The following AGBL1 variants were observed in gnomAD, a reference collection of about 807,000 sequenced individuals.
The protein encoded by AGBL1 is AGBL carboxypeptidase 1, also known as cytosolic carboxypeptidase 4.
Under a neutral mutation model 118.9 loss-of-function variants are expected in AGBL1, and 130 were observed. That is an observed-to-expected ratio of 1.09 (90% CI 0.95 to 1.26). The LOEUF is 1.26. Among genes scored for constraint, AGBL1 ranks in the 50% most tolerant of loss-of-function variants. The probability of loss-of-function intolerance (pLI) is 0.00; values close to 1 mark genes in which losing one functional copy is unlikely to be tolerated. For synonymous variants in AGBL1, 555 were observed against 478.9 expected, an observed-to-expected ratio of 1.16 and a Z score of -2.08; for missense variants, 1,584 against 1,298.1, an observed-to-expected ratio of 1.22 and a Z score of -3.38.
intron 17 of AGBL1, among the ~76,000 whole-genome samples, chr15:86,365,331 C>T (rs1375883652): frequency 6.6e-6 from 1 of 152,094 alleles, no homozygotes; most frequent in Non-Finnish European, 1.5e-5. Flanking sequence ...CAGAGAAGTT[C>T]ATCTGGAAGA....
intron 22 of AGBL1, among the ~76,000 whole-genome samples, chr15:86,844,077 T>C (rs985704337): frequency 4.6e-5 from 7 of 152,212 alleles, no homozygotes; most frequent in Non-Finnish European, 1.0e-4. Context: ...TCCTATTTCA[T>C]GGCTGAAAAG....
chr15:86,973,925 ATTAAATATAAACATAT>A, intron 23 of AGBL1, among the ~76,000 whole-genome samples: 1 of 145,416 alleles, frequency 6.9e-6, no homozygotes, highest in East Asian at 2.0e-4. Context: ...TATTTAATAT[ATTAAATATAAACATAT>A]TTAATATATT....
At chr15:86,527,477 C>T (rs535035361) in intron 19 of AGBL1, among the ~76,000 whole-genome samples, 1 of 152,328 alleles carries the variant, frequency 6.6e-6, no homozygotes, top group South Asian at 2.1e-4. Context: ...CACAGTGTTA[C>T]AAAGCTCTCT....
At chr15:86,695,270 T>C (rs1271466336) in intron 22 of AGBL1, among the ~76,000 whole-genome samples, 1 of 152,000 alleles carries the variant, frequency 6.6e-6, no homozygotes, top group African/African-American at 2.4e-5. Flanking sequence ...TCAATCTTGC[T>C]GCTTGTTATT....
intron 17 of AGBL1, chr15:86,297,108 T>C (rs1308015856): frequency 6.6e-6 from 1 of 152,110 alleles, no homozygotes; most frequent in Non-Finnish European, 1.5e-5. Context: ...AGAAAAAATA[T>C]CTCTTAGTAC....
intron 17 of AGBL1, among the ~76,000 whole-genome samples, chr15:86,315,628 G>T (rs1342763931): frequency 1.3e-5 from 2 of 148,384 alleles, no homozygotes; most frequent in Non-Finnish European, 3.0e-5. Flanking sequence ...TGAGGCAGAA[G>T]AATTACTTGA....
chr15:86,966,809 A>T (rs2081058759), intron 23 of AGBL1, among the ~76,000 whole-genome samples: 2 of 152,148 alleles, frequency 1.3e-5, no homozygotes, highest in South Asian at 4.1e-4. Context: ...TCTTTATAGC[A>T]GCATGATTTA....
chr15:86,837,521 G>A (rs1466715300), intron 22 of AGBL1, among the ~76,000 whole-genome samples: 3 of 152,148 alleles, frequency 2.0e-5, no homozygotes, highest in Non-Finnish European at 2.9e-5. Flanking sequence ...GCAGAGCTGA[G>A]GAGCTGCGAC....
intron 21 of AGBL1, among the ~76,000 whole-genome samples, chr15:86,649,098 A>T (rs2142489418): frequency 6.6e-6 from 1 of 152,264 alleles, no homozygotes; most frequent in Non-Finnish European, 1.5e-5. Flanking sequence ...AAGAGAGGCA[A>T]GAATTGCTGG....
rs578091553 is a variant in AGBL1 at position 87,012,815 on chromosome 15, G to T, written c.3324-16010G>T. Among the ~76,000 whole-genome samples the T allele has an allele frequency of 3.3e-5, 5 of 152,156 alleles. No individual in the cohort carries two copies. The East Asian group carries it at 9.6e-4, about 29-fold the overall frequency. On this transcript the variant is annotated intron_variant, in intron 24 of 24. Coordinates refer to the AGBL1 transcript ENST00000441037. ...ATACCCCTCGAAATCCATCAGTTCT[G>T]TATGGCTGAGATATATCCTTACCTA...
chr15:86,271,510 A>C, intron 14 of AGBL1, 109 bp from the exon 15 acceptor site: 1 of 842,052 alleles, frequency 1.2e-6, no homozygotes, highest in Non-Finnish European at 2.0e-6. Context: ...ATATATAGTT[A>C]ACAGTCACAG....
intron 22 of AGBL1, among the ~76,000 whole-genome samples, chr15:86,760,570 C>G (rs1185248147): frequency 6.6e-6 from 1 of 152,174 alleles, no homozygotes; most frequent in South Asian, 2.1e-4. Context: ...GTAAATGGAC[C>G]TATGTAAAAA....
chr15:86,800,296 C>G (rs2078631629), intron 22 of AGBL1, among the ~76,000 whole-genome samples: 1 of 152,018 alleles, frequency 6.6e-6, no homozygotes, highest in African/African-American at 2.4e-5. Context: ...ATGTTTGAAG[C>G]CATGTAAAGA....
At chr15:86,699,642 T>G (rs1425274531) in intron 22 of AGBL1, among the ~76,000 whole-genome samples, 1 of 152,086 alleles carries the variant, frequency 6.6e-6, no homozygotes, top group Non-Finnish European at 1.5e-5. Context: ...TGATTAAATT[T>G]AGCTTATCCA....
intron 23 of AGBL1, among the ~76,000 whole-genome samples, chr15:86,924,571 G>A (rs994708372): frequency 6.6e-6 from 1 of 152,168 alleles, no homozygotes; most frequent in Non-Finnish European, 1.5e-5. Flanking sequence ...CTTATTCTCT[G>A]TTTGGGAGAG....
At chr15:86,243,144 A>G (rs995676536) in intron 6 of AGBL1, among the ~76,000 whole-genome samples, 1 of 151,480 alleles carries the variant, frequency 6.6e-6, no homozygotes, top group African/African-American at 2.4e-5. Flanking sequence ...AAAAGGATAC[A>G]TTTTTTTTTC....
At chr15:86,479,257 C>T (rs915898750) in intron 18 of AGBL1, among the ~76,000 whole-genome samples, 1 of 152,174 alleles carries the variant, frequency 6.6e-6, no homozygotes, top group African/African-American at 2.4e-5. Context: ...TAAAGAGCTT[C>T]TGCACAGCAG....
intron 22 of AGBL1, among the ~76,000 whole-genome samples, chr15:86,710,189 G>A (rs2086531840): frequency 6.6e-6 from 1 of 151,874 alleles, no homozygotes; most frequent in African/African-American, 2.4e-5. Flanking sequence ...AAAAAAATGT[G>A]ACAGCCAATC....
At chr15:86,429,526 C>T (rs1256260510) in intron 18 of AGBL1, among the ~76,000 whole-genome samples, 1 of 152,188 alleles carries the variant, frequency 6.6e-6, no homozygotes, top group East Asian at 1.9e-4. Context: ...CAATGTAAAT[C>T]TGACAGGTAG....
Sources: gnomAD v4.1 joint callset for allele counts (sites outside exome capture counted in the v4.1 genomes callset) on GRCh38, gnomAD v4.1.1 for gene constraint, MANE v1.5 for transcripts, NCBI Gene and HGNC (gene_info 2026-07-23, HGNC 2026-07-21) for gene names.